SDK2: variants seen among roughly 807,000 people sequenced by gnomAD.
The protein encoded by SDK2 is protein sidekick-2.
A neutral mutation model predicts 253.9 loss-of-function variants in SDK2; 105 were observed. The observed-to-expected ratio is 0.41, with a 90% CI of 0.35 to 0.49. The LOEUF (loss-of-function observed/expected upper bound fraction) is 0.49. Among genes scored for constraint, SDK2 ranks in the 20% least tolerant of loss-of-function variants. SDK2 has a pLI of 0.06. For synonymous variants in SDK2, 1,249 were observed against 1,234.9 expected (o/e 1.01, Z -0.24); for missense variants, 2,608 against 3,003.0 (o/e 0.87, Z 3.07).
intron 18 of SDK2, among the ~76,000 whole-genome samples, chr17:73,403,767 C>A (rs2145535303): frequency 6.6e-6 from 1 of 152,112 alleles, no homozygotes; most frequent in East Asian, 1.9e-4. Flanking sequence ...CTAATTAGAC[C>A]CTCAAAATAC....
At chr17:73,583,594 C>T (rs973171859) in intron 1 of SDK2, among the ~76,000 whole-genome samples, 1 of 152,224 alleles carries the variant, frequency 6.6e-6, no homozygotes, top group Non-Finnish European at 1.5e-5. Context: ...CCACCCTGTG[C>T]GGTGTGCCCT....
chr17:73,623,179 TA>T (rs1308493046), intron 1 of SDK2, among the ~76,000 whole-genome samples: 2 of 152,258 alleles, frequency 1.3e-5, no homozygotes, highest in Non-Finnish European at 2.9e-5. Flanking sequence ...ATATTTTTGT[TA>T]TGCTATAGAT....
intron 17 of SDK2, 121 bp downstream of exon 17, chr17:73,415,690 T>C: frequency 1.2e-6 from 1 of 826,092 alleles, no homozygotes; most frequent in Non-Finnish European, 1.9e-6. Context: ...AGTCTCCCTA[T>C]GTTGCCCAGG....
intron 1 of SDK2, among the ~76,000 whole-genome samples, chr17:73,532,649 G>A (rs888916250): frequency 2.0e-5 from 3 of 152,206 alleles, no homozygotes; most frequent in African/African-American, 7.2e-5. Flanking sequence ...AGACTGATGA[G>A]ACAAACAAGC....
intron 12 of SDK2, among the ~76,000 whole-genome samples, chr17:73,430,171 C>T (rs958599131): frequency 1.3e-5 from 2 of 152,218 alleles, no homozygotes; most frequent in African/African-American, 2.4e-5. Flanking sequence ...GGGCCAGAGA[C>T]AGCAGCTCCT....
intron 33 of SDK2, among the ~76,000 whole-genome samples, chr17:73,381,315 G>A (rs2062828955): frequency 1.3e-5 from 2 of 151,834 alleles, no homozygotes; most frequent in South Asian, 2.1e-4. Flanking sequence ...TACTGGAGTC[G>A]TTAATTTCCT....
At chr17:73,384,469 C>T (rs2062856521) in intron 32 of SDK2, among the ~76,000 whole-genome samples, 1 of 152,234 alleles carries the variant, frequency 6.6e-6, no homozygotes, top group Non-Finnish European at 1.5e-5. Flanking sequence ...GAGCCCTCTC[C>T]TACTCTTAGT....
chr17:73,537,434 C>G (rs2044794544), intron 1 of SDK2, among the ~76,000 whole-genome samples: 1 of 152,168 alleles, frequency 6.6e-6, no homozygotes, highest in Non-Finnish European at 1.5e-5. Context: ...TGTTCCCCAG[C>G]CCCCATGCTT....
chr17:73,437,889 G>T, intron 7 of SDK2, 67 bp from the exon 8 acceptor site: 2 of 1,606,626 alleles, frequency 1.2e-6, no homozygotes, highest in Non-Finnish European at 1.7e-6. Context: ...ACTGTAGGGG[G>T]TCACCCTTAA....
chr17:73,406,576 A>G (rs2063081337), intron 18 of SDK2, among the ~76,000 whole-genome samples: 1 of 152,140 alleles, frequency 6.6e-6, no homozygotes, highest in South Asian at 2.1e-4. Flanking sequence ...AAAAAAATGG[A>G]AGAAAAAACC....
At chr17:73,623,458 T>C (rs913325221) in intron 1 of SDK2, among the ~76,000 whole-genome samples, 1 of 152,096 alleles carries the variant, frequency 6.6e-6, no homozygotes, top group Non-Finnish European at 1.5e-5. Flanking sequence ...CCAAGAGCCC[T>C]GGGGGGAAGG....
intron 1 of SDK2, among the ~76,000 whole-genome samples, chr17:73,550,123 G>A (rs1351224343): frequency 6.6e-6 from 1 of 152,174 alleles, no homozygotes; most frequent in African/African-American, 2.4e-5. Flanking sequence ...TGCATGGCAG[G>A]TCTAGTGCTC....
intron 8 of SDK2, 92 bp downstream of exon 8, chr17:73,437,644 GAGA>G: frequency 9.0e-7 from 1 of 1,106,888 alleles, no homozygotes; most frequent in South Asian, 1.2e-5. Context: ...ACATGGTCTC[GAGA>G]AGAAGCTGGA....
rs2045368897 is a variant in SDK2 at position 73,570,448 on chromosome 17, C to T, written c.65-62851G>A. On this transcript the variant is annotated intron_variant, in intron 1 of 44. Transcript: ENST00000392650. The surrounding 1 kb of genome is among the most constrained non-coding windows in gnomAD (Gnocchi z 4.2). Reference sequence around the variant, plus strand: ...TGCTGGCTGGGTGAGCAGTTGGTGCCGCTTTGCCATTTGCCACTAGATTAG... The same window carrying T: ...TGCTGGCTGGGTGAGCAGTTGGTGCTGCTTTGCCATTTGCCACTAGATTAG... 6.6e-6 allele frequency among the ~76,000 whole-genome samples: 1 copy of T among 152,080 alleles called. No homozygotes were observed. Among genetic ancestry groups the T allele is most frequent in the Non-Finnish European group, 1.5e-5 (1 of 68,010 alleles).
At chr17:73,502,478 G>A (rs2063898159) in intron 2 of SDK2, among the ~76,000 whole-genome samples, 1 of 152,112 alleles carries the variant, frequency 6.6e-6, no homozygotes, top group African/African-American at 2.4e-5. Flanking sequence ...AATCTAATGG[G>A]GATATATTCA....
At chr17:73,571,476 C>T (rs901068011) in intron 1 of SDK2, among the ~76,000 whole-genome samples, 18 of 152,212 alleles carry the variant, frequency 1.2e-4, no homozygotes, top group African/African-American at 3.4e-4. Flanking sequence ...CCACCCAGGC[C>T]CAACCCTGAG....
In SDK2 at chr17:73,447,426, G is replaced by T. The variant is rs530466741; in HGVS notation, c.613+189C>A. Among the ~76,000 whole-genome samples, 6 of 152,176 alleles carry T rather than the reference G, an allele frequency of 3.9e-5. No individual in the cohort carries two copies. In the South Asian group the frequency reaches 1.0e-3, roughly 26 times the overall value. On this transcript the variant is annotated intron_variant, in intron 5 of 44. Coordinates refer to ENST00000392650, the MANE Select transcript of SDK2 (RefSeq NM_001144952.2). This position sits in a 1 kb window ranked among gnomAD's most constrained non-coding sequence, Gnocchi z 4.0. ...TGGGAACGGGCTCCAGCGTTCAGCT[G>T]CTCCTTTCCTGCCCAGGCACCCCTG...
chr17:73,515,524 G>A (rs1400256006), intron 1 of SDK2, among the ~76,000 whole-genome samples: 5 of 152,224 alleles, frequency 3.3e-5, no homozygotes, highest in East Asian at 1.9e-4. Flanking sequence ...AGACTGGTCC[G>A]CCCAGGGGGT....
chr17:73,619,993 G>A (rs2046108253), intron 1 of SDK2, among the ~76,000 whole-genome samples: 1 of 152,174 alleles, frequency 6.6e-6, no homozygotes, highest in Admixed American at 6.5e-5. Context: ...GAGCCCAGGA[G>A]TTCAAGACCA....
Sources: allele counts gnomAD v4.1 joint callset (sites outside exome capture counted in the v4.1 genomes callset), GRCh38; gene constraint gnomAD v4.1.1; non-coding constraint Gnocchi (gnomAD v3.1); transcripts MANE v1.5; gene names NCBI Gene and HGNC (gene_info 2026-07-23, HGNC 2026-07-21).